Variants in HCN3 observed in about 807,000 individuals in gnomAD.
HCN3 encodes the protein potassium/sodium hyperpolarization-activated cyclic nucleotide-gated channel 3.
In HCN3, 36 loss-of-function variants were observed where a neutral mutation model predicts 56.8. The observed-to-expected ratio is 0.63, with a 90% CI of 0.49 to 0.84. The LOEUF (loss-of-function observed/expected upper bound fraction) is 0.84. HCN3 is among the 40% of genes least tolerant of loss of function. The probability of loss-of-function intolerance (pLI) is 0.00; values close to 1 mark genes in which losing one functional copy is unlikely to be tolerated. For missense variants in HCN3, 930 were observed against 1,079.3 expected (o/e 0.86, Z 1.94); for synonymous variants, 425 against 439.7 (o/e 0.97, Z 0.42).
chr1:155,287,078 G>A, intron 6 of HCN3, 95 bp from the exon 7 acceptor site: 2 of 1,407,790 alleles, frequency 1.4e-6, no homozygotes, highest in Non-Finnish European at 1.9e-6. Context: ...AGTCTAGGGA[G>A]GAGCCTTAGA....
At chr1:155,280,653 T>A (rs1192903841) in intron 1 of HCN3, among the ~76,000 whole-genome samples, 1 of 150,064 alleles carries the variant, frequency 6.7e-6, no homozygotes, top group Non-Finnish European at 1.5e-5. Context: ...TTAGCCAGGA[T>A]GGTCTCAATC....
chr1:155,277,837 G>A lies in HCN3; in HGVS notation c.247G>A (p.Ala83Thr), dbSNP rs975158910. The stretch of plus-strand genomic sequence containing the variant: ...GCAGGAGCGGGTGAAGTCAGCGGGG[G>A]CCTGGATCATCCACCCCTACAGCGA... ...IEQERVKSAGAWIIHPYSDFR... is the reference protein window; with the variant it reads ...IEQERVKSAGTWIIHPYSDFR... Residue 83 changes from alanine (A) to threonine (T), a missense_variant, in exon 1 of 8, where the codon GCC becomes ACC. By Grantham distance (58) the Ala-to-Thr change is moderately conservative. Transcript: ENST00000368358. The A allele has an allele frequency of 3.1e-6, 5 of 1,612,118 alleles. No homozygotes were observed. Among genetic ancestry groups the A allele is most frequent in the African/African-American group, 2.7e-5 (2 of 74,874 alleles).
chr1:155,277,639 C>A lies in HCN3; in HGVS notation c.49C>A (p.Pro17Thr), dbSNP rs996994808. 6.4e-7 allele frequency: 1 copy of A among 1,555,122 alleles called. No homozygotes were observed. Among genetic ancestry groups the A allele is most frequent in the East Asian group, 2.4e-5 (1 of 41,640 alleles). ...PAAGASEGATPGLEAVPPVAP... is the reference protein window; with the variant it reads ...PAAGASEGATTGLEAVPPVAP... ...GGCGGGGGCCAGCGAAGGGGCGACC[C>A]CTGGACTGGAGGCGGTGCCTCCCGT... Residue 17 changes from proline to threonine, a missense_variant, in exon 1 of 8, where the codon CCT (proline) becomes ACT (threonine). Transcript: ENST00000368358.
In HCN3 at chr1:155,285,995, C is replaced by T; in HGVS notation, c.1477+31C>T. On this transcript the variant is annotated intron_variant, in intron 6 of 7. Transcript: ENST00000368358. This position sits in a 1 kb window ranked among gnomAD's most constrained non-coding sequence, Gnocchi z 4.5. Reference sequence around the variant, plus strand: ...CAGGCCTCAGGGAGGGTGGCAGGGTCACGAGCAGACAGTGGAGAGGGCAAC... The same window carrying T: ...CAGGCCTCAGGGAGGGTGGCAGGGTTACGAGCAGACAGTGGAGAGGGCAAC... 1 of 1,549,336 alleles carries T rather than the reference C, an allele frequency of 6.5e-7. No individual in the cohort carries two copies. The highest frequency in any genetic ancestry group is 2.3e-5 in the East Asian group (1 of 44,182).
At position 155,284,436 on chromosome 1, in the gene HCN3, A is replaced by C. The variant is rs1364904459; in HGVS notation, c.871-103A>C. 8.0e-7 allele frequency: 1 copy of C among 1,255,402 alleles called. No homozygotes were observed. Among genetic ancestry groups the C allele is most frequent in the Non-Finnish European group, 1.1e-6 (1 of 915,896 alleles). The allele number at this position is 1,255,402 out of a possible 1,614,324, so 77.8% of individuals were successfully genotyped here. ...AGTGCCTGCCAGGAGGAAGGCCTGC[A>C]GTAGAAGGGGCAGACAGAAAGACCA... On this transcript the variant is annotated intron_variant, in intron 3 of 7. Transcript: ENST00000368358. This position sits in a 1 kb window ranked among gnomAD's most constrained non-coding sequence, Gnocchi z 4.3.
rs1674176069 is a variant in HCN3, at chr1:155,283,996, T to C, written c.731T>C (p.Leu244Pro). ...CAGATCTTTCACATGACCTATGACCTGGCCAGTGCTGTGGTTCGCATCTTC... is the reference window on the plus strand; with the variant it reads ...CAGATCTTTCACATGACCTATGACCCGGCCAGTGCTGTGGTTCGCATCTTC... ...WEEIFHMTYD[L>P]ASAVVRIFNL... is the part of the protein sequence containing the mutation. The change falls in exon 3 of 8, where the codon CTG becomes CCG. Residue 244 changes from leucine to proline, a missense_variant. Physicochemically the swap from Leu to Pro is moderately conservative, Grantham distance 98. Transcript: ENST00000368358. 2 of 1,613,990 alleles carry C rather than the reference T, an allele frequency of 1.2e-6. No individual in the cohort carries two copies. Among genetic ancestry groups the C allele is most frequent in the Admixed American group, 1.7e-5 (1 of 60,002 alleles).
rs958242116 is a variant in HCN3 at position 155,277,653 on chromosome 1, G to C, written c.63G>C (p.Ala21=). Residue 21 remains alanine (A), a synonymous_variant, in exon 1 of 8, where the codon GCG becomes GCC. Transcript: ENST00000368358. ...ASEGATPGLE[A]VPPVAPPPAT... ...AAGGGGCGACCCCTGGACTGGAGGCGGTGCCTCCCGTTGCTCCCCCGCCTG... is the reference window on the plus strand; with the variant it reads ...AAGGGGCGACCCCTGGACTGGAGGCCGTGCCTCCCGTTGCTCCCCCGCCTG... 1.3e-6 allele frequency: 2 copies of C among 1,554,380 alleles called. No individual in the cohort carries two copies. The highest frequency in any genetic ancestry group is 3.9e-5 in the Admixed American group (2 of 51,272).
intron 6 of HCN3, among the ~76,000 whole-genome samples, chr1:155,286,372 C>T (rs1054501363): frequency 2.0e-5 from 3 of 152,152 alleles, no homozygotes; most frequent in Non-Finnish European, 4.4e-5. Flanking sequence ...GTCTCGATCT[C>T]CTGACCTCGT....
chr1:155,282,672 T>C lies in HCN3; in HGVS notation c.540T>C (p.Ser180=). The C allele has an allele frequency of 6.2e-7, 1 of 1,614,258 alleles. No individual in the cohort carries two copies. Among genetic ancestry groups the C allele is most frequent in the Non-Finnish European group, 8.5e-7 (1 of 1,180,044 alleles). The change falls in exon 2 of 8, where the codon TCT becomes TCC. Residue 180 remains serine (S), a synonymous_variant. Transcript: ENST00000368358. The surrounding 1 kb of genome is among the most constrained non-coding windows in gnomAD (Gnocchi z 4.7). ...GGTTCCTGGTTGACCTCATCTCTTC[T>C]ATCCCTGTGGATTACATCTTCCTAG... ...RTWFLVDLIS[S]IPVDYIFLVV...
In HCN3 at chr1:155,284,226, G is replaced by A. The variant is rs1444259072; in HGVS notation, c.870+91G>A. 2 of 1,456,870 alleles carry A rather than the reference G, an allele frequency of 1.4e-6. No individual in the cohort carries two copies. The highest frequency in any genetic ancestry group is 1.9e-5 in the Admixed American group (1 of 52,920). The allele number at this position is 1,456,870 out of a possible 1,614,324, so 90.2% of individuals were successfully genotyped here. Reference sequence around the variant, plus strand: ...GATGGCCACAGGGAGCAGGAGGTGGGAGATGATCACAACAGAAAATAGGAG... The same window carrying A: ...GATGGCCACAGGGAGCAGGAGGTGGAAGATGATCACAACAGAAAATAGGAG... On this transcript the variant is annotated intron_variant, in intron 3 of 7. Transcript: ENST00000368358. This position sits in a 1 kb window ranked among gnomAD's most constrained non-coding sequence, Gnocchi z 4.3.
At position 155,288,174 on chromosome 1, in the gene HCN3, T is replaced by C. The variant is rs1179555202; in HGVS notation, c.2036T>C (p.Leu679Pro). The change falls in exon 8 of 8, where the codon CTG becomes CCG. Residue 679 changes from leucine (L) to proline (P), a missense_variant. By Grantham distance (98) the Leu-to-Pro change is moderately conservative. Coordinates refer to ENST00000368358, the MANE Select transcript of HCN3 (RefSeq NM_020897.3). This position sits in a 1 kb window ranked among gnomAD's most constrained non-coding sequence, Gnocchi z 6.5. Reference sequence around the variant, plus strand: ...CTGCCCGCCCCACCTGCCCGAACCCTGCACGCCAGCCTATCCCGGGCAGGG... The same window carrying C: ...CTGCCCGCCCCACCTGCCCGAACCCCGCACGCCAGCCTATCCCGGGCAGGG... ...SRLPAPPART[L>P]HASLSRAGRS... 2.5e-6 allele frequency: 4 copies of C among 1,578,232 alleles called. No homozygotes were observed. The highest frequency in any genetic ancestry group is 1.4e-5 in the African/African-American group (1 of 73,946).
At position 155,284,737 on chromosome 1, in the gene HCN3, C is replaced by T. The variant is rs370091278; in HGVS notation, c.1069C>T (p.Arg357Trp). The change falls in exon 4 of 8, where the codon CGG becomes TGG. Residue 357 changes from arginine to tryptophan, a missense_variant. Transcript: ENST00000368358. This position sits in a 1 kb window ranked among gnomAD's most constrained non-coding sequence, Gnocchi z 4.3. ...TALIQSLDSS[R>W]RQYQEKYKQV... ...ACTCATCCAGTCCCTGGACTCTTCC[C>T]GGCGTCAGTACCAGGAGAAGGTCAG... 1.6e-5 allele frequency: 26 copies of T among 1,613,858 alleles called. No individual in the cohort carries two copies. The highest frequency in any genetic ancestry group is 8.8e-5 in the South Asian group (8 of 91,074).
rs753984470 is a variant in HCN3, at chr1:155,284,641, G to C, written c.973G>C (p.Val325Leu). 12 of 1,614,232 alleles carry C rather than the reference G, an allele frequency of 7.4e-6. No homozygotes were observed. Among genetic ancestry groups the C allele is most frequent in the Non-Finnish European group, 9.3e-6 (11 of 1,180,052 alleles). Residue 325 changes from valine to leucine, a missense_variant, in exon 4 of 8, where the codon GTC becomes CTC. Val to Leu is a conservative substitution (Grantham distance 32). Coordinates refer to ENST00000368358, the MANE Select transcript of HCN3 (RefSeq NM_020897.3). This position sits in a 1 kb window ranked among gnomAD's most constrained non-coding sequence, Gnocchi z 4.3. ...GCAGGCACCTGTAGGCATGCCCGACGTCTGGCTCACCATGCTCAGCATGAT... is the reference window on the plus strand; with the variant it reads ...GCAGGCACCTGTAGGCATGCCCGACCTCTGGCTCACCATGCTCAGCATGAT... The part of the protein sequence containing the change: ...GQQAPVGMPD[V>L]WLTMLSMIVG...
chr1:155,285,821 G>A lies in HCN3; in HGVS notation c.1334G>A (p.Arg445His), dbSNP rs774012679. The change falls in exon 6 of 8, where the codon CGC becomes CAC. Residue 445 changes from arginine (R) to histidine (H), a missense_variant. Transcript: ENST00000368358. The surrounding 1 kb of genome is among the most constrained non-coding windows in gnomAD (Gnocchi z 4.5). ...SFVTAVLTKL[R>H]FEVFQPGDLV... ...GTCACTGCAGTTCTCACCAAGCTGC[G>A]CTTTGAGGTCTTCCAGCCGGGGGAT... 16 of 1,614,210 alleles carry A rather than the reference G, an allele frequency of 9.9e-6. No individual in the cohort carries two copies. The highest frequency in any genetic ancestry group is 3.3e-4 in the Middle Eastern group (2 of 6,060).
Position 155,284,893 on chromosome 1 carries a change from C to T in HCN3, c.1089+136C>T. On this transcript the variant is annotated intron_variant, in intron 4 of 7. Coordinates refer to ENST00000368358, the MANE Select transcript of HCN3 (RefSeq NM_020897.3). The surrounding 1 kb of genome is among the most constrained non-coding windows in gnomAD (Gnocchi z 4.3). Reference sequence around the variant, plus strand: ...CTGCCCTGTGTCCATTTGTTCCCTGCCCCTGCATGTACCTTTTCCTTGTTT... The same window carrying T: ...CTGCCCTGTGTCCATTTGTTCCCTGTCCCTGCATGTACCTTTTCCTTGTTT... 1 of 888,460 alleles carries T rather than the reference C, an allele frequency of 1.1e-6. No homozygotes were observed. Among genetic ancestry groups the T allele is most frequent in the Non-Finnish European group, 1.7e-6 (1 of 584,360 alleles). 55.0% of individuals were successfully genotyped at this position (888,460 alleles called of 1,614,324 possible). A position where few individuals can be genotyped will look rare whatever the true frequency, so the allele number is the denominator to read the frequency against.
intron 7 of HCN3, among the ~76,000 whole-genome samples, 179 bp from the exon 8 acceptor site, chr1:155,287,602 T>A (rs896199593): frequency 4.0e-5 from 6 of 151,790 alleles, no homozygotes; most frequent in Non-Finnish European, 8.8e-5. Context: ...CTGTCTCTGA[T>A]ACATACCCTC....
chr1:155,283,965 A>G lies in HCN3; in HGVS notation c.709-9A>G, dbSNP rs997186349. On this transcript the variant is annotated splice_polypyrimidine_tract_variant and intron_variant, in intron 2 of 7. Coordinates refer to ENST00000368358, the MANE Select transcript of HCN3 (RefSeq NM_020897.3). ...CCTGTCCACAGCAGCTCCTCCTCGG[A>G]CTCCTCAGATCTTTCACATGACCTA... is the stretch of plus-strand genomic sequence containing the variant. 6.2e-7 allele frequency: 1 copy of G among 1,607,838 alleles called. No individual in the cohort carries two copies. The highest frequency in any genetic ancestry group is 1.3e-5 in the African/African-American group (1 of 74,746).
rs201807735 is a variant in HCN3 at position 155,285,336 on chromosome 1, G to A, written c.1236+25G>A. The A allele has an allele frequency of 3.7e-4, 591 of 1,612,484 alleles. 1 individual carries two copies. The highest frequency in any genetic ancestry group is 4.8e-4 in the Non-Finnish European group (570 of 1,178,958). On this transcript the variant is annotated intron_variant, in intron 5 of 7. Coordinates refer to ENST00000368358, the MANE Select transcript of HCN3 (RefSeq NM_020897.3). The surrounding 1 kb of genome is among the most constrained non-coding windows in gnomAD (Gnocchi z 4.5). ...GGTGGGGCTGGGTTGGGCCTGGAAGGGGGGCTCTTCAGGGACCTGGAGTGC... is the reference window on the plus strand; with the variant it reads ...GGTGGGGCTGGGTTGGGCCTGGAAGAGGGGCTCTTCAGGGACCTGGAGTGC...
At position 155,287,968 on chromosome 1, in the gene HCN3, C is replaced by T. The variant is rs539038326; in HGVS notation, c.1830C>T (p.Pro610=). 4.7e-5 allele frequency: 76 copies of T among 1,614,080 alleles called. 1 individual carries two copies. The South Asian group carries it at 8.2e-4, about 17-fold the overall frequency. Residue 610 remains proline (P), a synonymous_variant, in exon 8 of 8, where the codon CCC becomes CCT. Transcript: ENST00000368358. ...PVLWEPLVHA[P]LQAAAVTSNV... ...TGTGGGAGCCACTGGTACATGCGCCCCTTCAGGCAGCTGCTGTGACCTCCA... is the reference window on the plus strand; with the variant it reads ...TGTGGGAGCCACTGGTACATGCGCCTCTTCAGGCAGCTGCTGTGACCTCCA...
Sources: gnomAD v4.1 joint callset for allele counts (sites outside exome capture counted in the v4.1 genomes callset) on GRCh38, gnomAD v4.1.1 for gene constraint, Gnocchi (gnomAD v3.1) non-coding constraint, MANE v1.5 for transcripts, NCBI Gene and HGNC (gene_info 2026-07-23, HGNC 2026-07-21) for gene names.